Variants in ADAMTS19 observed in about 807,000 individuals in gnomAD.
ADAMTS19 encodes the protein A disintegrin and metalloproteinase with thrombospondin motifs 19.
Under a neutral mutation model 153.3 loss-of-function variants are expected in ADAMTS19, and 93 were observed. That is an observed-to-expected ratio of 0.61 (90% confidence interval 0.51 to 0.72). The LOEUF is 0.72. Ranked by LOEUF, ADAMTS19 falls within the 30% of genes least tolerant of loss-of-function variation. ADAMTS19 has a pLI of 0.00. For synonymous variants in ADAMTS19, 600 were observed against 556.6 expected, an observed-to-expected ratio of 1.08 and a Z score of -1.10; for missense variants, 1,482 against 1,552.1, an observed-to-expected ratio of 0.95 and a Z score of 0.76.
At chr5:129,660,229 T>C (rs1753762484) in intron 15 of ADAMTS19, among the ~76,000 whole-genome samples, 1 of 152,004 alleles carries the variant, frequency 6.6e-6, no homozygotes, top group South Asian at 2.1e-4. Context: ...TTCAAAGTGG[T>C]AAAAAAGGTG....
intron 16 of ADAMTS19, 109 bp downstream of exon 16, chr5:129,665,688 C>A (rs1754018971): frequency 2.3e-6 from 2 of 870,986 alleles, no homozygotes; most frequent in South Asian, 2.1e-5. Flanking sequence ...TATGTTTGAA[C>A]TTCCCAGGAA....
rs1173678820 is a variant in ADAMTS19 at position 129,460,486 on chromosome 5, A to G, written c.91+4A>G. On this transcript the variant is annotated splice_donor_region_variant and intron_variant, in intron 1 of 22. Coordinates refer to ENST00000274487, the MANE Select transcript of ADAMTS19 (RefSeq NM_133638.6). ...CTGTCGAATGGGATCGTTTCAGGTA[A>G]GTTCTTCCGTGACTTTCTCGCTTCC... 1 of 1,614,098 alleles carries G rather than the reference A, an allele frequency of 6.2e-7. No individual in the cohort carries two copies. Among genetic ancestry groups the G allele is most frequent in the East Asian group, 2.2e-5 (1 of 44,864 alleles).
At chr5:129,704,483 G>A in intron 21 of ADAMTS19, 92 bp downstream of exon 21, 1 of 1,423,240 alleles carries the variant, frequency 7.0e-7, no homozygotes, top group Non-Finnish European at 9.5e-7. Flanking sequence ...AGTTTAGGAG[G>A]GAAGGAGAGT....
intron 3 of ADAMTS19, among the ~76,000 whole-genome samples, chr5:129,510,797 G>A (rs956406892): frequency 1.3e-5 from 2 of 150,772 alleles, no homozygotes; most frequent in East Asian, 3.9e-4. Flanking sequence ...AATTATATAG[G>A]TTAATAAAGG....
At chr5:129,660,727 T>C (rs1194176996) in intron 15 of ADAMTS19, among the ~76,000 whole-genome samples, 9 of 152,304 alleles carry the variant, frequency 5.9e-5, no homozygotes, top group East Asian at 3.9e-4. Flanking sequence ...GCATGTTTAT[T>C]TGGAAAATAT....
At chr5:129,504,111 T>A (rs1427369577) in intron 2 of ADAMTS19, among the ~76,000 whole-genome samples, 1 of 152,186 alleles carries the variant, frequency 6.6e-6, no homozygotes, top group Non-Finnish European at 1.5e-5. Context: ...TGAGTTTATT[T>A]TATTTTCTGG....
At chr5:129,668,796 T>G (rs1754168857) in intron 16 of ADAMTS19, among the ~76,000 whole-genome samples, 1 of 152,146 alleles carries the variant, frequency 6.6e-6, no homozygotes, top group Admixed American at 6.6e-5. Flanking sequence ...CCATCACAGC[T>G]ATTTTTAAGT....
intron 3 of ADAMTS19, among the ~76,000 whole-genome samples, chr5:129,512,782 C>A (rs1187778089): frequency 6.6e-6 from 1 of 152,010 alleles, no homozygotes; most frequent in Non-Finnish European, 1.5e-5. Context: ...ATTTTATAAA[C>A]TATCCCCCTC....
chr5:129,713,894 A>G (rs762739116), intron 21 of ADAMTS19, among the ~76,000 whole-genome samples: 1 of 152,144 alleles, frequency 6.6e-6, no homozygotes, highest in Non-Finnish European at 1.5e-5. Flanking sequence ...AGGGTTTCAG[A>G]TTGGTGTTGA....
chr5:129,522,332 C>CAT (rs1209637522), intron 3 of ADAMTS19, among the ~76,000 whole-genome samples: 11,802 of 58,160 alleles, frequency 0.2, 1,180 homozygotes, highest in Admixed American at 0.26. Context: ...CACACACACA[C>CAT]ATATATATAT....
intron 21 of ADAMTS19, among the ~76,000 whole-genome samples, chr5:129,715,346 A>G (rs1756677498): frequency 6.6e-6 from 1 of 152,146 alleles, no homozygotes; most frequent in Admixed American, 6.5e-5. Context: ...AATACTATAG[A>G]GTTTTAGGAG....
At chr5:129,704,745 T>C (rs1332142024) in intron 21 of ADAMTS19, among the ~76,000 whole-genome samples, 3 of 152,062 alleles carry the variant, frequency 2.0e-5, no homozygotes, top group Non-Finnish European at 4.4e-5. Context: ...ATTCAAAATA[T>C]AATTAAGTAA....
intron 7 of ADAMTS19, among the ~76,000 whole-genome samples, chr5:129,555,074 T>C (rs1329937524): frequency 1.3e-5 from 2 of 152,148 alleles, no homozygotes; most frequent in Admixed American, 6.6e-5. Context: ...CTCTTTTATC[T>C]ATAACCGATG....
Position 129,647,823 on chromosome 5 carries a change from A to G in ADAMTS19, c.1931A>G (p.Glu644Gly), listed in dbSNP as rs1174981683. 5 of 1,614,126 alleles carry G rather than the reference A, an allele frequency of 3.1e-6. No individual in the cohort carries two copies. The highest frequency in any genetic ancestry group is 4.2e-6 in the Non-Finnish European group (5 of 1,180,002). Reference sequence around the variant, plus strand: ...TCAGCACCTGAACATCTGGCCGGAGAGTGGAGCCTGTGGAGTCCTTGTAGC... The same window carrying G: ...TCAGCACCTGAACATCTGGCCGGAGGGTGGAGCCTGTGGAGTCCTTGTAGC... ...RTSAPEHLAGEWSLWSPCSRT... is the reference protein window; with the variant it reads ...RTSAPEHLAGGWSLWSPCSRT... Residue 644 changes from glutamate to glycine, a missense_variant, in exon 12 of 23, where the codon GAG becomes GGG. By Grantham distance (98) the Glu-to-Gly change is moderately conservative (BLOSUM62 -2). Around this residue, in one of 2 missense-constraint regions of ADAMTS19, gnomAD observed 616 missense variants for 724.4 expected, o/e 0.85. Transcript: ENST00000274487.
intron 8 of ADAMTS19, among the ~76,000 whole-genome samples, chr5:129,602,309 G>A (rs994905849): frequency 2.0e-5 from 3 of 151,996 alleles, no homozygotes; most frequent in African/African-American, 7.2e-5. Flanking sequence ...CGGGCTGGTC[G>A]TGAACTCCCG....
intron 10 of ADAMTS19, among the ~76,000 whole-genome samples, chr5:129,624,043 T>C (rs30709): frequency 0.48 from 70,678 of 146,362 alleles, 19,346 homozygotes; most frequent in African/African-American, 0.77. Flanking sequence ...AGGAGAATGG[T>C]GTGAACCTGG....
At chr5:129,620,783 G>A (rs1289563655) in intron 9 of ADAMTS19, 25 bp downstream of exon 9, 5 of 1,607,638 alleles carry the variant, frequency 3.1e-6, no homozygotes, top group South Asian at 2.2e-5. Flanking sequence ...TATTGTTTTT[G>A]CCTTGTGAAT....
chr5:129,465,471 C>A (rs1451467989), intron 2 of ADAMTS19, among the ~76,000 whole-genome samples: 3 of 151,910 alleles, frequency 2.0e-5, no homozygotes, highest in African/African-American at 7.3e-5. Context: ...CTAATGCCAC[C>A]TTTTCCTACT....
chr5:129,701,051 G>C (rs373401813), intron 19 of ADAMTS19, among the ~76,000 whole-genome samples: 1 of 151,722 alleles, frequency 6.6e-6, no homozygotes, highest in Non-Finnish European at 1.5e-5. Flanking sequence ...GAGAGGGACC[G>C]GTAGGAGGTA....
Sources: gnomAD v4.1 joint callset for allele counts (sites outside exome capture counted in the v4.1 genomes callset) on GRCh38, gnomAD v4.1.1 for gene constraint, gnomAD v4.1.1 regional missense constraint, MANE v1.5 for transcripts, NCBI Gene and HGNC (gene_info 2026-07-23, HGNC 2026-07-21) for gene names.